Variants in VWF observed in about 807,000 individuals in gnomAD.
The protein encoded by VWF is von Willebrand factor, also known as Factor VIII related antigen.
In VWF, 176 loss-of-function variants were observed where a neutral mutation model predicts 308.6. That is an observed-to-expected ratio of 0.57 (90% CI 0.50 to 0.65). The LOEUF (loss-of-function observed/expected upper bound fraction) is 0.65. Among genes scored for constraint, VWF ranks in the 30% least tolerant of loss-of-function variants. The probability of loss-of-function intolerance (pLI) is 0.00; values close to 1 mark genes in which losing one functional copy is unlikely to be tolerated. For synonymous variants in VWF, 1,385 were observed against 1,443.4 expected (o/e 0.96, Z 0.92); for missense variants, 3,146 against 3,648.2 (o/e 0.86, Z 3.55).
rs200382972 is a variant in VWF, at chr12:5,991,965, G to A, written c.6652C>T (p.Arg2218Trp). 53 of 1,614,066 alleles carry A rather than the reference G, an allele frequency of 3.3e-5. No individual in the cohort carries two copies. Among genetic ancestry groups the A allele is most frequent in the South Asian group, 1.1e-4 (10 of 91,084 alleles). Residue 2218 changes from arginine to tryptophan, a missense_variant, in exon 38 of 52, where the codon CGG (arginine) becomes TGG (tryptophan). Around this residue, in one of 3 missense-constraint regions of VWF, gnomAD observed 989 missense variants for 1,117.4 expected, o/e 0.89. Coordinates refer to ENST00000261405, the MANE Select transcript of VWF (RefSeq NM_000552.5). ...VYNHCEHGCP[R>W]HCDGNVSSCG... ...GAGCTCACGTTGCCATCACAGTGCC[G>A]GGGACAGCCATGCTCACAGTGGTTG...
intron 6 of VWF, among the ~76,000 whole-genome samples, chr12:6,076,328 T>C (rs762024219): frequency 2.0e-5 from 3 of 152,244 alleles, no homozygotes; most frequent in Admixed American, 1.3e-4. Context: ...CCATTCTGTA[T>C]GTTAATGACT....
Position 6,046,766 on chromosome 12 carries a change from G to A in VWF, c.2238C>T (p.Ser746=). The A allele has an allele frequency of 6.2e-7, 1 of 1,614,194 alleles. No individual in the cohort carries two copies. The highest frequency in any genetic ancestry group is 1.7e-5 in the Admixed American group (1 of 60,036). The part of the protein sequence containing the change: ...MHCTMSGVPG[S]LLPDAVLSSP... ...TGCTGAGGACAGCGTCAGGCAGCAAGCTTCCGGGGACTCCACTCATGGTAC... is the reference window on the plus strand; with the variant it reads ...TGCTGAGGACAGCGTCAGGCAGCAAACTTCCGGGGACTCCACTCATGGTAC... The change falls in exon 17 of 52, where the codon AGC becomes AGT. Residue 746 remains serine, a synonymous_variant. Coordinates refer to ENST00000261405, the MANE Select transcript of VWF (RefSeq NM_000552.5). This position sits in a 1 kb window ranked among gnomAD's most constrained non-coding sequence, Gnocchi z 5.0.
rs771517718 is a variant in VWF, at chr12:5,949,025, C to T, written c.8432G>A (p.Cys2811Tyr). The part of the protein sequence containing the change: ...AMECKCSPRK[C>Y]SK ...GCAGCTGCAGCAGCCTCACTTGCTG[C>T]ACTTCCTGGGGGAGCATTTGCACTC... Residue 2811 changes from cysteine (C) to tyrosine (Y), a missense_variant, in exon 52 of 52, where the codon TGC becomes TAC. Cys to Tyr is a radical substitution (Grantham distance 194, BLOSUM62 -2). This residue lies in a region of VWF where 989 missense variants were observed against 1,117.4 expected (regional missense o/e 0.89). Transcript: ENST00000261405. 5 of 1,613,064 alleles carry T rather than the reference C, an allele frequency of 3.1e-6. No individual in the cohort carries two copies. In the African/African-American group the frequency reaches 4.0e-5, roughly 13 times the overall value.
At chr12:5,992,125 G>A in intron 37 of VWF, 107 bp from the exon 38 acceptor site, 1 of 1,097,962 alleles carries the variant, frequency 9.1e-7, no homozygotes. Context: ...CCAGGGCAGA[G>A]ACGGCTATTT....
In VWF at chr12:6,110,880, T is replaced by C. The variant is rs749467330; in HGVS notation, c.309A>G (p.Thr103=). The C allele has an allele frequency of 6.2e-7, 1 of 1,614,138 alleles. No homozygotes were observed. The highest frequency in any genetic ancestry group is 1.1e-5 in the South Asian group (1 of 91,080). The change falls in exon 4 of 52, where the codon ACA becomes ACG. Residue 103 remains threonine, a synonymous_variant. Coordinates refer to ENST00000261405, the MANE Select transcript of VWF (RefSeq NM_000552.5). ...DIHLFVNGTV[T]QGDQRVSMPY... ...TGTTGGCTTACCTTTGGTCCCCCTG[T>C]GTCACGGTACCATTGACAAACAAAT...
At chr12:6,092,713 G>A (rs143957847) in intron 6 of VWF, among the ~76,000 whole-genome samples, 4 of 146,778 alleles carry the variant, frequency 2.7e-5, no homozygotes, top group African/African-American at 7.5e-5. Flanking sequence ...CACCAACCAC[G>A]GAATGGTTCT....
At chr12:6,094,004 A>G (rs1054212995) in intron 6 of VWF, among the ~76,000 whole-genome samples, 1 of 152,206 alleles carries the variant, frequency 6.6e-6, no homozygotes, top group African/African-American at 2.4e-5. Flanking sequence ...GTTGGCAGGC[A>G]TTAGCACACA....
chr12:6,057,311 ATTTT>A (rs1250165048), intron 14 of VWF, among the ~76,000 whole-genome samples: 1 of 129,422 alleles, frequency 7.7e-6, no homozygotes. Context: ...GGACTATGGA[ATTTT>A]TTTTTTTTTT....
At chr12:6,110,223 G>A in intron 5 of VWF, 151 bp downstream of exon 5, 1 of 863,772 alleles carries the variant, frequency 1.2e-6, no homozygotes, top group Non-Finnish European at 2.0e-6. Context: ...GCATTGGAAT[G>A]GAATGCAAAG....
At chr12:5,975,699 C>T (rs1055264215) in intron 43 of VWF, among the ~76,000 whole-genome samples, 22 of 152,196 alleles carry the variant, frequency 1.4e-4, no homozygotes, top group Admixed American at 3.3e-4. Context: ...ACTTCAAGTT[C>T]TCTTTTCTAG....
At chr12:5,965,216 G>C (rs921810161) in intron 47 of VWF, among the ~76,000 whole-genome samples, 3 of 152,296 alleles carry the variant, frequency 2.0e-5, no homozygotes, top group Non-Finnish European at 4.4e-5. Flanking sequence ...CAGCCCCAGA[G>C]TTCACTTGTT....
chr12:6,059,055 A>G (rs1944626952), intron 13 of VWF, among the ~76,000 whole-genome samples: 1 of 152,162 alleles, frequency 6.6e-6, no homozygotes, highest in Admixed American at 6.5e-5. Context: ...TCCAGCTCCA[A>G]CCTAACAAAA....
At chr12:6,066,610 T>C (rs1288135512) in intron 10 of VWF, among the ~76,000 whole-genome samples, 1 of 152,204 alleles carries the variant, frequency 6.6e-6, no homozygotes, top group African/African-American at 2.4e-5. Flanking sequence ...CCACCTGAAG[T>C]TCCCCCTTTG....
At chr12:6,038,273 A>G (rs1352458524) in intron 18 of VWF, among the ~76,000 whole-genome samples, 1 of 152,232 alleles carries the variant, frequency 6.6e-6, no homozygotes, top group Non-Finnish European at 1.5e-5. Context: ...GGCTGCTATA[A>G]GAATGACTGA....
intron 16 of VWF, among the ~76,000 whole-genome samples, chr12:6,050,032 C>A (rs1944491743): frequency 6.6e-6 from 1 of 152,218 alleles, no homozygotes; most frequent in Non-Finnish European, 1.5e-5. Flanking sequence ...CCATGTACGT[C>A]TTTCTCTCCA....
intron 34 of VWF, among the ~76,000 whole-genome samples, chr12:5,998,111 T>C (rs921115870): frequency 2.6e-4 from 40 of 152,200 alleles, no homozygotes; most frequent in African/African-American, 9.2e-4. Flanking sequence ...CAAAATGTAA[T>C]GATATCAGAT....
intron 47 of VWF, among the ~76,000 whole-genome samples, chr12:5,964,230 A>ACATACATACATACATACATGCATG (rs1943360956): frequency 1.2e-4 from 17 of 140,416 alleles, no homozygotes; most frequent in South Asian, 9.3e-4. Flanking sequence ...ATACATACAT[A>ACATACATACATACATACATGCATG]CATACATACA....
At chr12:6,107,391 G>T (rs1347344284) in intron 5 of VWF, among the ~76,000 whole-genome samples, 17 of 152,144 alleles carry the variant, frequency 1.1e-4, no homozygotes, top group Non-Finnish European at 2.5e-4. Flanking sequence ...GTGAAAGGGT[G>T]AATTTTACTG....
chr12:6,108,587 TA>T (rs1193581616), intron 5 of VWF, among the ~76,000 whole-genome samples: 2,469 of 120,164 alleles, frequency 0.021, 24 homozygotes, highest in Middle Eastern at 0.031. Context: ...AGAACACTTG[TA>T]AAAAAAAAAA....
Sources: gnomAD v4.1 joint callset for allele counts (sites outside exome capture counted in the v4.1 genomes callset) on GRCh38, gnomAD v4.1.1 for gene constraint, gnomAD v4.1.1 regional missense constraint, Gnocchi (gnomAD v3.1) non-coding constraint, MANE v1.5 for transcripts, NCBI Gene and HGNC (gene_info 2026-07-23, HGNC 2026-07-21) for gene names.